The following LRMDA variants were observed in gnomAD, a reference collection of about 807,000 sequenced individuals.
LRMDA encodes leucine-rich melanocyte differentiation-associated protein.
A neutral mutation model predicts 29.8 loss-of-function variants in LRMDA; 18 were observed. The ratio of observed to expected loss-of-function variants is 0.60; its 90% CI spans 0.42 to 0.90. The LOEUF is 0.90. Ranked by LOEUF, LRMDA falls within the 40% of genes least tolerant of loss-of-function variation. LRMDA has a pLI of 0.00. For missense variants in LRMDA, 273 were observed against 273.9 expected, an observed-to-expected ratio of 1.00 and a Z score of 0.02; for synonymous variants, 125 against 109.4, an observed-to-expected ratio of 1.14 and a Z score of -0.89.
chr10:76,070,812 GC>G (rs1339121075), intron 5 of LRMDA, among the ~76,000 whole-genome samples: 21 of 152,180 alleles, frequency 1.4e-4, no homozygotes, highest in Admixed American at 1.3e-4. Context: ...GGAGGTCCAG[GC>G]TCCTGAGCTT....
chr10:75,552,059 C>T (rs752789836), intron 2 of LRMDA, among the ~76,000 whole-genome samples: 7 of 151,590 alleles, frequency 4.6e-5, no homozygotes, highest in East Asian at 3.9e-4. Flanking sequence ...AGAGTTAGAC[C>T]GTGTCTCTAA....
At chr10:75,952,152 C>T (rs1353171202) in intron 2 of LRMDA, among the ~76,000 whole-genome samples, 1 of 152,154 alleles carries the variant, frequency 6.6e-6, no homozygotes, top group Non-Finnish European at 1.5e-5. Flanking sequence ...CTGTGTTGGG[C>T]CTCAAAGTTT....
intron 6 of LRMDA, among the ~76,000 whole-genome samples, chr10:76,531,899 T>C (rs142877225): frequency 2.2e-4 from 33 of 152,320 alleles, no homozygotes; most frequent in African/African-American, 6.7e-4. Flanking sequence ...ATTAAAACCA[T>C]TTGGGCCTGG....
At chr10:76,546,986 CT>C (rs35258517) in intron 6 of LRMDA, among the ~76,000 whole-genome samples, 1 of 152,082 alleles carries the variant, frequency 6.6e-6, no homozygotes, top group Admixed American at 6.6e-5. Flanking sequence ...TTCTGCCTCT[CT>C]TTTTTGATGA....
chr10:76,368,996 T>C (rs1192336860), intron 6 of LRMDA, among the ~76,000 whole-genome samples: 1 of 152,206 alleles, frequency 6.6e-6, no homozygotes, highest in Non-Finnish European at 1.5e-5. Flanking sequence ...TGAGTTCTTA[T>C]GTGTTGGGTG....
intron 2 of LRMDA, among the ~76,000 whole-genome samples, chr10:75,798,194 C>A (rs955592558): frequency 1.3e-5 from 2 of 151,910 alleles, no homozygotes; most frequent in Admixed American, 6.6e-5. Flanking sequence ...GTGTTCCTTG[C>A]ATTTTTGTGG....
At chr10:76,511,315 A>G (rs1843007568) in intron 6 of LRMDA, among the ~76,000 whole-genome samples, 1 of 152,172 alleles carries the variant, frequency 6.6e-6, no homozygotes, top group African/African-American at 2.4e-5. Flanking sequence ...TACAGGCTCA[A>G]GTTTACGTGG....
intron 2 of LRMDA, among the ~76,000 whole-genome samples, chr10:76,007,027 TGTGTGC>T (rs1385437414): frequency 0.015 from 404 of 27,816 alleles, 18 homozygotes; most frequent in East Asian, 0.043. Context: ...TGTGTGTGTG[TGTGTGC>T]GCGTGTGTGT....
intron 6 of LRMDA, among the ~76,000 whole-genome samples, chr10:76,427,556 C>G (rs1274044324): frequency 6.6e-6 from 1 of 152,164 alleles, no homozygotes; most frequent in Non-Finnish European, 1.5e-5. Flanking sequence ...CAAACAGGGA[C>G]AATTAGACTT....
rs980736214 is a variant in LRMDA, at chr10:76,333,029, G to T, written c.601+8544G>T. ...AAAAGATAGCGTGCAATGTAGGTGA[G>T]ACTACTCAGGCATGACTCTTTGGAG... On this transcript the variant is annotated intron_variant, in intron 6 of 6. Transcript: ENST00000611255. Among the ~76,000 whole-genome samples the T allele has an allele frequency of 2.6e-5, 4 of 152,174 alleles. No homozygotes were observed. The East Asian group carries it at 7.7e-4, about 29-fold the overall frequency.
At chr10:76,541,270 T>G (rs1357827908) in intron 6 of LRMDA, among the ~76,000 whole-genome samples, 3 of 151,794 alleles carry the variant, frequency 2.0e-5, no homozygotes, top group Admixed American at 2.0e-4. Context: ...GGAGGCCGAG[T>G]TGGGTGGGTT....
chr10:76,175,844 G>A (rs1204500115), intron 5 of LRMDA, among the ~76,000 whole-genome samples: 1 of 152,218 alleles, frequency 6.6e-6, no homozygotes, highest in Non-Finnish European at 1.5e-5. Context: ...GGGATGCAGT[G>A]TGAATGGAGA....
chr10:76,223,858 T>C lies in LRMDA; in HGVS notation c.517-100543T>C, dbSNP rs187460682. Among the ~76,000 whole-genome samples, 8 of 152,334 alleles carry C rather than the reference T, an allele frequency of 5.3e-5. No individual in the cohort carries two copies. In the East Asian group the frequency reaches 1.5e-3, roughly 29 times the overall value. On this transcript the variant is annotated intron_variant, in intron 5 of 6. Coordinates refer to ENST00000611255, the MANE Select transcript of LRMDA (RefSeq NM_001305581.2). ...TTTCTCTGTTTTCTTGTCCACTCTTTCCTCCAGCTACTCTTCTTTCACTTC... is the reference window on the plus strand; with the variant it reads ...TTTCTCTGTTTTCTTGTCCACTCTTCCCTCCAGCTACTCTTCTTTCACTTC...
chr10:76,449,554 T>A (rs1842386273), intron 6 of LRMDA, among the ~76,000 whole-genome samples: 1 of 151,956 alleles, frequency 6.6e-6, no homozygotes, highest in African/African-American at 2.4e-5. Flanking sequence ...TAACACCTAT[T>A]AGGAAAACTT....
At chr10:76,502,416 T>C (rs749013148) in intron 6 of LRMDA, among the ~76,000 whole-genome samples, 1 of 152,084 alleles carries the variant, frequency 6.6e-6, no homozygotes, top group South Asian at 2.1e-4. Flanking sequence ...GGCAGTTTGA[T>C]AGAAGTAACC....
chr10:75,682,682 C>A (rs1396130062), intron 2 of LRMDA, among the ~76,000 whole-genome samples: 1 of 152,070 alleles, frequency 6.6e-6, no homozygotes, highest in Admixed American at 6.6e-5. Context: ...TAGATTTGAA[C>A]CTTATGTGTC....
At chr10:75,481,265 A>C (rs1199032578) in intron 2 of LRMDA, among the ~76,000 whole-genome samples, 1 of 152,094 alleles carries the variant, frequency 6.6e-6, no homozygotes, top group Non-Finnish European at 1.5e-5. Flanking sequence ...GTGAGGATTG[A>C]AGGAATGAAC....
At chr10:76,265,162 A>C (rs1377736104) in intron 5 of LRMDA, among the ~76,000 whole-genome samples, 1 of 152,244 alleles carries the variant, frequency 6.6e-6, no homozygotes, top group African/African-American at 2.4e-5. Context: ...AGGCAGAAGC[A>C]GGAAATTGTT....
At chr10:75,853,433 GGT>G (rs3042495) in intron 2 of LRMDA, among the ~76,000 whole-genome samples, 48,692 of 147,280 alleles carry the variant, frequency 0.33, 8,915 homozygotes, top group South Asian at 0.43. Flanking sequence ...AAAGAAGAGG[GGT>G]GTGTGTGTGT....
Sources: gnomAD v4.1 joint callset for allele counts (sites outside exome capture counted in the v4.1 genomes callset) on GRCh38, gnomAD v4.1.1 for gene constraint, MANE v1.5 for transcripts, NCBI Gene and HGNC (gene_info 2026-07-23, HGNC 2026-07-21) for gene names.